The following CLC variants were observed in gnomAD, a reference collection of about 807,000 sequenced individuals.
The protein encoded by CLC is galectin-10.
In CLC, 15 loss-of-function variants were observed where a neutral mutation model predicts 13.9. The observed-to-expected ratio is 1.08, with a 90% CI of 0.72 to 1.66. CLC has a LOEUF of 1.66. Ranked by LOEUF, CLC falls within the 40% of genes most tolerant of loss-of-function variation. The probability of loss-of-function intolerance (pLI) is 0.00; values close to 1 mark genes in which losing one functional copy is unlikely to be tolerated. For synonymous variants in CLC, 68 were observed against 59.9 expected, an observed-to-expected ratio of 1.14 and a Z score of -0.63; for missense variants, 161 against 169.1, an observed-to-expected ratio of 0.95 and a Z score of 0.27.
chr19:39,733,776 G>GACTA (rs1967263578), intron 3 of CLC: 1 of 102,676 alleles, frequency 9.7e-6, no homozygotes, highest in African/African-American at 6.7e-5. Context: ...TATAAGGATA[G>GACTA]ACTATGGAAG....
At chr19:39,737,858 A>G (rs1967337430) in intron 1 of CLC, 80 bp downstream of exon 1, 1 of 1,428,220 alleles carries the variant, frequency 7.0e-7, no homozygotes, top group Non-Finnish European at 9.7e-7. Flanking sequence ...AGAAATTTTC[A>G]TATTTTCATC....
At chr19:39,737,470 C>G (rs900336280) in intron 1 of CLC, among the ~76,000 whole-genome samples, 8 of 151,916 alleles carry the variant, frequency 5.3e-5, no homozygotes, top group African/African-American at 1.9e-4. Flanking sequence ...CATTCCAGCA[C>G]ACACACTCAC....
intron 3 of CLC, among the ~76,000 whole-genome samples, chr19:39,732,944 GAGCTTCTGCAC>G (rs1379207241): frequency 2.1e-5 from 3 of 139,612 alleles, no homozygotes; most frequent in Admixed American, 2.1e-4. Flanking sequence ...TTAAACTAAA[GAGCTTCTGCAC>G]AGCAAAAGAA....
At chr19:39,737,726 C>G (rs1167076563) in intron 1 of CLC, among the ~76,000 whole-genome samples, 1 of 152,108 alleles carries the variant, frequency 6.6e-6, no homozygotes, top group Non-Finnish European at 1.5e-5. Flanking sequence ...CACATGCTCA[C>G]AGAGGGTCAC....
chr19:39,735,125 C>G (rs1167674786), intron 1 of CLC, 52 bp from the exon 2 acceptor site: 2 of 1,278,722 alleles, frequency 1.6e-6, no homozygotes, highest in Non-Finnish European at 1.1e-6. Context: ...TGTGGCCTCC[C>G]CTCCTGTAAC....
intron 1 of CLC, among the ~76,000 whole-genome samples, chr19:39,735,552 G>A (rs1323157892): frequency 6.6e-6 from 1 of 152,130 alleles, no homozygotes; most frequent in Admixed American, 6.5e-5. Context: ...CTAGGCTCAA[G>A]GGATCCTCTT....
intron 3 of CLC, among the ~76,000 whole-genome samples, chr19:39,733,168 T>C (rs1440717766): frequency 6.6e-6 from 1 of 151,246 alleles, no homozygotes; most frequent in East Asian, 1.9e-4. Flanking sequence ...AAAAAACACA[T>C]GAAAAAATGC....
chr19:39,731,538 G>C, intron 3 of CLC, 33 bp from the exon 4 acceptor site: 2 of 1,577,028 alleles, frequency 1.3e-6, no homozygotes, highest in Non-Finnish European at 1.7e-6. Flanking sequence ...CAGAAAGACA[G>C]TATTTCACCA....
chr19:39,734,496 G>T lies in CLC; in HGVS notation c.93-3C>A. 6.2e-7 allele frequency: 1 copy of T among 1,612,972 alleles called. No homozygotes were observed. Among genetic ancestry groups the T allele is most frequent in the African/African-American group, 1.3e-5 (1 of 75,028 alleles). On this transcript the variant is annotated splice_region_variant and splice_polypyrimidine_tract_variant and intron_variant, in intron 2 of 3. Transcript: ENST00000221804. ...CCACCTGCAGATATGGTTCATTCCT[G>T]AGGGCAGAGCACACAGTGTTGAGCA...
rs753530424 is a variant in CLC, at chr19:39,734,328, G to A, written c.258C>T (p.Gly86=). 15 of 1,613,944 alleles carry A rather than the reference G, an allele frequency of 9.3e-6. No individual in the cohort carries two copies. The highest frequency in any genetic ancestry group is 1.3e-5 in the Non-Finnish European group (15 of 1,179,960). ...VESKNMPFQD[G]QEFELSISVL... is the part of the protein sequence containing the mutation. ...CTGAGATGCTCAGTTCAAATTCTTG[G>A]CCATCCTGAAAGGGCATATTCTTGG... Residue 86 remains glycine, a synonymous_variant, in exon 3 of 4, where the codon GGC becomes GGT. Transcript: ENST00000221804.
chr19:39,734,233 G>A, intron 3 of CLC, 50 bp downstream of exon 3: 1 of 1,577,722 alleles, frequency 6.3e-7, no homozygotes, highest in Non-Finnish European at 8.7e-7. Flanking sequence ...GCTGCCTCCT[G>A]CTCTGAGATC....
At chr19:39,737,610 C>T (rs1320609701) in intron 1 of CLC, among the ~76,000 whole-genome samples, 1 of 152,070 alleles carries the variant, frequency 6.6e-6, no homozygotes, top group African/African-American at 2.4e-5. Context: ...AAAACACAGT[C>T]ACCTGATTAC....
At chr19:39,734,106 GT>G (rs1967269364) in intron 3 of CLC, 176 bp downstream of exon 3, 1 of 980,586 alleles carries the variant, frequency 1.0e-6, no homozygotes, top group Non-Finnish European at 1.2e-6. Flanking sequence ...CCCTGTGTGT[GT>G]GATAAAAAGC....
chr19:39,731,812 T>C (rs1370426961), intron 3 of CLC, among the ~76,000 whole-genome samples: 1 of 152,218 alleles, frequency 6.6e-6, no homozygotes, highest in Non-Finnish European at 1.5e-5. Flanking sequence ...CTGTGTTTCA[T>C]AAACTTGAAT....
chr19:39,734,546 C>T (rs1175342262), intron 2 of CLC, 53 bp from the exon 3 acceptor site: 1 of 1,451,684 alleles, frequency 6.9e-7, no homozygotes, highest in Non-Finnish European at 9.7e-7. Context: ...GGGGCACACA[C>T]AAGACACACA....
chr19:39,732,053 T>G (rs1010173084), intron 3 of CLC, among the ~76,000 whole-genome samples: 1 of 146,268 alleles, frequency 6.8e-6, no homozygotes, highest in African/African-American at 2.6e-5. Flanking sequence ...TATTTATTTT[T>G]TTATGGTTAT....
Position 39,731,422 on chromosome 19 carries a change from A to C in CLC, c.387T>G (p.Asp129Glu). 6.2e-7 allele frequency: 1 copy of C among 1,613,800 alleles called. No individual in the cohort carries two copies. The highest frequency in any genetic ancestry group is 1.3e-5 in the African/African-American group (1 of 75,022). ...TGACATTAAATTTGGTCAGGGAGAT[A>C]TCTCTCCACACTTGCACCATCTTCA... ...EAVKMVQVWRDISLTKFNVSY... is the reference protein window; with the variant it reads ...EAVKMVQVWREISLTKFNVSY... Residue 129 changes from aspartate (D) to glutamate (E), a missense_variant, in exon 4 of 4, where the codon GAT (aspartate) becomes GAG (glutamate). Transcript: ENST00000221804.
At chr19:39,736,710 G>A (rs1053271515) in intron 1 of CLC, among the ~76,000 whole-genome samples, 6 of 151,770 alleles carry the variant, frequency 4.0e-5, no homozygotes, top group African/African-American at 7.3e-5. Flanking sequence ...GGGAGGTGGA[G>A]GTTGCAGTGA....
chr19:39,733,997 G>A, intron 3 of CLC: 1 of 985,142 alleles, frequency 1.0e-6, no homozygotes, highest in Non-Finnish European at 1.2e-6. Flanking sequence ...GGTCAGGTAT[G>A]GGAAAAGAGC....
Sources: gnomAD v4.1 joint callset for allele counts (sites outside exome capture counted in the v4.1 genomes callset) on GRCh38, gnomAD v4.1.1 for gene constraint, MANE v1.5 for transcripts, NCBI Gene and HGNC (gene_info 2026-07-23, HGNC 2026-07-21) for gene names.